Variants in RFC3 observed in about 807,000 individuals in gnomAD.
RFC3 encodes the protein replication factor C subunit 3, also known as A1 38 kDa subunit.
Under a neutral mutation model 45.1 loss-of-function variants are expected in RFC3, and 41 were observed. The observed-to-expected ratio is 0.91, with a 90% CI of 0.71 to 1.18. The LOEUF (loss-of-function observed/expected upper bound fraction) is 1.18. Among genes scored for constraint, RFC3 ranks in the 50% most tolerant of loss-of-function variants. The pLI is 0.00. For synonymous variants in RFC3, 149 were observed against 144.0 expected, an observed-to-expected ratio of 1.03 and a Z score of -0.25; for missense variants, 423 against 428.1, an observed-to-expected ratio of 0.99 and a Z score of 0.10.
At chr13:33,890,942 C>T (rs528484665) in intron 8 of RFC3, among the ~76,000 whole-genome samples, 2 of 152,114 alleles carry the variant, frequency 1.3e-5, no homozygotes, top group African/African-American at 4.8e-5. Context: ...AATGTCATAG[C>T]TAGGAGACAG....
At chr13:33,821,320 A>G in intron 2 of RFC3, 51 bp downstream of exon 2, 3 of 1,582,846 alleles carry the variant, frequency 1.9e-6, no homozygotes, top group Non-Finnish European at 2.6e-6. Flanking sequence ...GGGGACTTTC[A>G]GTCTTGGTCA....
At chr13:33,873,943 G>C (rs2082429364) in intron 8 of RFC3, among the ~76,000 whole-genome samples, 1 of 152,056 alleles carries the variant, frequency 6.6e-6, no homozygotes, top group African/African-American at 2.4e-5. Context: ...TTATTATTTT[G>C]GGGATGAATA....
chr13:33,871,042 G>A (rs527391100), intron 8 of RFC3, among the ~76,000 whole-genome samples: 30 of 152,268 alleles, frequency 2.0e-4, no homozygotes, highest in African/African-American at 7.0e-4. Flanking sequence ...GAGCCCTCTG[G>A]TATATGGTAA....
intron 8 of RFC3, among the ~76,000 whole-genome samples, chr13:33,863,241 T>TA (rs2082352769): frequency 6.6e-6 from 1 of 151,296 alleles, no homozygotes; most frequent in Non-Finnish European, 1.5e-5. Context: ...ACAATGCACA[T>TA]ATGCAGATAT....
chr13:33,919,610 T>C (rs2082755070), intron 8 of RFC3, among the ~76,000 whole-genome samples: 1 of 152,144 alleles, frequency 6.6e-6, no homozygotes, highest in Non-Finnish European at 1.5e-5. Context: ...AAAGTAGTGA[T>C]GTAATGCCTA....
At chr13:33,838,063 A>G (rs1367777084), downstream of RFC3, among the ~76,000 whole-genome samples, 1 of 152,098 alleles carries the variant, frequency 6.6e-6, no homozygotes, top group Non-Finnish European at 1.5e-5. Context: ...CACTGAGAGA[A>G]ATATTGAAAT....
In RFC3 at chr13:33,895,243, G is replaced by T. The variant is rs376314239; in HGVS notation, c.879+60026G>T. On this transcript the variant is annotated intron_variant, in intron 8 of 8. Transcript: ENST00000434425. Reference sequence around the variant, plus strand: ...CAGAGTGGGAGAAAACACTTACAAAGTATATATCTGACACAGGACTAATAT... The same window carrying T: ...CAGAGTGGGAGAAAACACTTACAAATTATATATCTGACACAGGACTAATAT... 1.2e-4 allele frequency among the ~76,000 whole-genome samples: 18 copies of T among 152,222 alleles called. 1 individual carries two copies. Among genetic ancestry groups the T allele is most frequent in the Admixed American group, 7.2e-4 (11 of 15,286 alleles).
chr13:33,891,840 G>T (rs965558251), intron 8 of RFC3, among the ~76,000 whole-genome samples: 10 of 152,014 alleles, frequency 6.6e-5, no homozygotes, highest in Non-Finnish European at 1.5e-4. Context: ...ATATAAATGT[G>T]CTTAAAGTCC....
chr13:33,970,091 C>T (rs1391206811), downstream of RFC3, among the ~76,000 whole-genome samples: 1 of 152,228 alleles, frequency 6.6e-6, no homozygotes, highest in Middle Eastern at 3.4e-3. Context: ...TCCTCCCACC[C>T]TCCACCCTCC....
At chr13:33,941,233 G>T (rs1031629002) in intron 8 of RFC3, among the ~76,000 whole-genome samples, 2 of 151,930 alleles carry the variant, frequency 1.3e-5, no homozygotes, top group Non-Finnish European at 2.9e-5. Flanking sequence ...TTTCCTGAGA[G>T]ATTTTTTTTT....
chr13:33,949,575 C>G (rs2082975973), intron 8 of RFC3, among the ~76,000 whole-genome samples: 1 of 152,172 alleles, frequency 6.6e-6, no homozygotes, highest in Admixed American at 6.5e-5. Context: ...GAGTGCTTTT[C>G]CTCATGACAT....
At chr13:33,827,370 C>G (rs2082059867) in intron 4 of RFC3, among the ~76,000 whole-genome samples, 1 of 152,100 alleles carries the variant, frequency 6.6e-6, no homozygotes, top group African/African-American at 2.4e-5. Flanking sequence ...TTCTGCCTAC[C>G]AAGTACTGCT....
chr13:33,929,377 A>T (rs912352418), intron 8 of RFC3, among the ~76,000 whole-genome samples: 1 of 152,130 alleles, frequency 6.6e-6, no homozygotes, highest in Non-Finnish European at 1.5e-5. Context: ...CTGACTTCAT[A>T]TTGCAAGTCA....
intron 8 of RFC3, among the ~76,000 whole-genome samples, chr13:33,935,789 A>T (rs890711269): frequency 6.6e-6 from 1 of 152,194 alleles, no homozygotes; most frequent in African/African-American, 2.4e-5. Context: ...CTGGTCTGTT[A>T]GGAACAAACA....
intron 8 of RFC3, among the ~76,000 whole-genome samples, chr13:33,865,694 G>A (rs2082368607): frequency 1.3e-5 from 2 of 152,180 alleles, no homozygotes; most frequent in Non-Finnish European, 2.9e-5. Context: ...AGTTCTCATT[G>A]TTGACTTGGG....
intron 8 of RFC3, among the ~76,000 whole-genome samples, chr13:33,893,353 A>T (rs1593671670): frequency 1.3e-5 from 2 of 152,296 alleles, no homozygotes; most frequent in East Asian, 3.9e-4. Flanking sequence ...GGAGGCAACA[A>T]CCTAGCACTG....
At chr13:33,938,406 C>T (rs1489920155) in intron 8 of RFC3, among the ~76,000 whole-genome samples, 3 of 152,006 alleles carry the variant, frequency 2.0e-5, no homozygotes, top group South Asian at 2.1e-4. Context: ...TCATAATAAT[C>T]AACCGGATAA....
intron 8 of RFC3, chr13:33,849,097 C>T (rs1306337884): frequency 6.6e-6 from 1 of 152,364 alleles, no homozygotes; most frequent in African/African-American, 2.4e-5. Flanking sequence ...GATAGATAAA[C>T]TGATAAAATA....
chr13:33,969,260 G>A (rs2083100806), downstream of RFC3, among the ~76,000 whole-genome samples: 1 of 152,170 alleles, frequency 6.6e-6, no homozygotes, highest in Non-Finnish European at 1.5e-5. Context: ...ACAAGCCTCA[G>A]CACCTCAAAG....
Sources: gnomAD v4.1 joint callset for allele counts (sites outside exome capture counted in the v4.1 genomes callset) on GRCh38, gnomAD v4.1.1 for gene constraint, MANE v1.5 for transcripts, NCBI Gene and HGNC (gene_info 2026-07-23, HGNC 2026-07-21) for gene names.